The following HDLBP variants were observed in gnomAD, a reference collection of about 807,000 sequenced individuals.
HDLBP encodes the protein high density lipoprotein binding protein.
HDLBP carries 30 observed loss-of-function variants against 137.3 expected under a neutral mutation model. That is an observed-to-expected ratio of 0.22 (90% CI 0.16 to 0.30). The LOEUF is 0.30. HDLBP is among the 10% of genes least tolerant of loss of function. The probability of loss-of-function intolerance (pLI) is 1.00; values close to 1 mark genes in which losing one functional copy is unlikely to be tolerated. For missense variants in HDLBP, 1,119 were observed against 1,667.3 expected, an observed-to-expected ratio of 0.67 and a Z score of 5.73; for synonymous variants, 606 against 596.0, an observed-to-expected ratio of 1.02 and a Z score of -0.24.
At chr2:241,298,643 C>T (rs1419615009) in intron 1 of HDLBP, among the ~76,000 whole-genome samples, 1 of 152,154 alleles carries the variant, frequency 6.6e-6, no homozygotes, top group Admixed American at 6.5e-5. Context: ...AAAGATTTCA[C>T]AGTGGAGAAG....
In HDLBP at chr2:241,240,613, C is replaced by T. The variant is rs939185129; in HGVS notation, c.2170-491G>A. Reference sequence around the variant, plus strand: ...CTGGGCCAGGCTCCCTTTCTTCCCACGAGTGCTACAGATCAGCCTCCACAA... The same window carrying T: ...CTGGGCCAGGCTCCCTTTCTTCCCATGAGTGCTACAGATCAGCCTCCACAA... On this transcript the variant is annotated intron_variant, in intron 17 of 27. Coordinates refer to ENST00000310931, the MANE Select transcript of HDLBP (RefSeq NM_005336.6). This position sits in a 1 kb window ranked among gnomAD's most constrained non-coding sequence, Gnocchi z 5.5. Among the ~76,000 whole-genome samples the T allele has an allele frequency of 1.3e-5, 2 of 152,162 alleles. No homozygotes were observed. The highest frequency in any genetic ancestry group is 2.4e-5 in the African/African-American group (1 of 41,446).
At position 241,235,273 on chromosome 2, in the gene HDLBP, T is replaced by C. The variant is rs1485685553; in HGVS notation, c.3010-18A>G. Reference sequence around the variant, plus strand: ...ATGTTCACCTACGTGAAGAGGGGGCTGACTTGACGTTCAGGACCCCAGAGA... The same window carrying C: ...ATGTTCACCTACGTGAAGAGGGGGCCGACTTGACGTTCAGGACCCCAGAGA... On this transcript the variant is annotated intron_variant, in intron 22 of 27. Transcript: ENST00000310931. 1 of 1,614,030 alleles carries C rather than the reference T, an allele frequency of 6.2e-7. No homozygotes were observed. Among genetic ancestry groups the C allele is most frequent in the South Asian group, 1.1e-5 (1 of 91,076 alleles).
rs762619478 is a variant in HDLBP, at chr2:241,239,863, G to A, written c.2391+38C>T. Reference sequence around the variant, plus strand: ...GATGGAAGATAAGCCACCCCATCACGGCCCCAGCAGAGTCGGCCGCCGAGG... The same window carrying A: ...GATGGAAGATAAGCCACCCCATCACAGCCCCAGCAGAGTCGGCCGCCGAGG... On this transcript the variant is annotated intron_variant, in intron 18 of 27. Transcript: ENST00000310931. The surrounding 1 kb of genome is among the most constrained non-coding windows in gnomAD (Gnocchi z 4.6). 9 of 1,611,428 alleles carry A rather than the reference G, an allele frequency of 5.6e-6. No homozygotes were observed. The highest frequency in any genetic ancestry group is 4.0e-5 in the African/African-American group (3 of 74,804).
Position 241,238,888 on chromosome 2 carries a change from C to T in HDLBP, c.2611-101G>A, listed in dbSNP as rs918222904. ...ACACCACCTTCCTCCCTGTCCTCTA[C>T]AGCCACTTGGCACAGATGCTCCCCT... On this transcript the variant is annotated intron_variant, in intron 19 of 27. Transcript: ENST00000310931. The surrounding 1 kb of genome is among the most constrained non-coding windows in gnomAD (Gnocchi z 4.9). The T allele has an allele frequency of 6.3e-6, 6 of 958,150 alleles. No homozygotes were observed. Among genetic ancestry groups the T allele is most frequent in the Non-Finnish European group, 5.9e-6 (4 of 673,772 alleles). 59.4% of individuals were successfully genotyped at this position (958,150 alleles called of 1,614,324 possible).
chr2:241,296,774 G>A (rs1473333767), intron 1 of HDLBP, among the ~76,000 whole-genome samples: 1 of 152,192 alleles, frequency 6.6e-6, no homozygotes. Context: ...AAATTAGAAG[G>A]CAATTTAGAA....
chr2:241,259,951 GTA>G (rs2073022691), intron 5 of HDLBP, among the ~76,000 whole-genome samples: 1 of 152,152 alleles, frequency 6.6e-6, no homozygotes, highest in Non-Finnish European at 1.5e-5. Flanking sequence ...AAGGAAATAT[GTA>G]AGATTAGCCT....
At chr2:241,246,468 G>A (rs942909728) in intron 16 of HDLBP, 13 of 354,328 alleles carry the variant, frequency 3.7e-5, no homozygotes, top group Middle Eastern at 7.7e-4. Flanking sequence ...AGAAAATACC[G>A]TAAATACCTT....
chr2:241,255,050 C>A lies in HDLBP; in HGVS notation c.1188+1G>T, dbSNP rs759790258. ...ACAACAGGTGAAAAACGTGTCCTTA[C>A]CTTTGGCATCTGCTGAGTGATTTTG... is the stretch of plus-strand genomic sequence containing the variant. On this transcript the variant is annotated splice_donor_variant, in intron 9 of 27. Coordinates refer to ENST00000310931, the MANE Select transcript of HDLBP (RefSeq NM_005336.6). LOFTEE classifies it high-confidence loss of function. 1 of 1,602,958 alleles carries A rather than the reference C, an allele frequency of 6.2e-7. No individual in the cohort carries two copies. Among genetic ancestry groups the A allele is most frequent in the South Asian group, 1.1e-5 (1 of 90,814 alleles).
intron 15 of HDLBP, 50 bp downstream of exon 15, chr2:241,247,006 C>A (rs781617689): frequency 1.3e-6 from 2 of 1,562,076 alleles, no homozygotes; most frequent in African/African-American, 1.4e-5. Context: ...TGGTGCAGGG[C>A]TACAGAGGAC....
intron 1 of HDLBP, among the ~76,000 whole-genome samples, chr2:241,280,539 C>T (rs2074556495): frequency 6.6e-6 from 1 of 152,176 alleles, no homozygotes; most frequent in Non-Finnish European, 1.5e-5. Flanking sequence ...TTAGTATATT[C>T]TCCAGTGACA....
At chr2:241,260,568 C>T (rs2073074685) in intron 5 of HDLBP, among the ~76,000 whole-genome samples, 1 of 152,192 alleles carries the variant, frequency 6.6e-6, no homozygotes, top group Non-Finnish European at 1.5e-5. Context: ...AATGTATGAG[C>T]AGGGAGAGAA....
rs113591654 is a variant in HDLBP, at chr2:241,248,225, T to C, written c.1617+19A>G. The C allele has an allele frequency of 5.4e-4, 867 of 1,595,614 alleles. 3 individuals carry two copies. The African/African-American group carries it at 0.01, about 18-fold the overall frequency. ...GGATCACTCCTATAGAGTTACAGAA[T>C]GTCTCTGGGAAACTTTACCTCTGGG... On this transcript the variant is annotated intron_variant, in intron 13 of 27. Coordinates refer to ENST00000310931, the MANE Select transcript of HDLBP (RefSeq NM_005336.6).
In HDLBP at chr2:241,242,449, C is replaced by T; in HGVS notation, c.2169+11G>A. 1 of 1,610,710 alleles carries T rather than the reference C, an allele frequency of 6.2e-7. No homozygotes were observed. Among genetic ancestry groups the T allele is most frequent in the Non-Finnish European group, 8.5e-7 (1 of 1,177,332 alleles). Reference sequence around the variant, plus strand: ...TTCCTGCCAAGAGTCACGCTCCCTCCCCATGCTCACCTTCTCCTCCGCCAG... The same window carrying T: ...TTCCTGCCAAGAGTCACGCTCCCTCTCCATGCTCACCTTCTCCTCCGCCAG... On this transcript the variant is annotated intron_variant, in intron 17 of 27. Coordinates refer to ENST00000310931, the MANE Select transcript of HDLBP (RefSeq NM_005336.6).
intron 4 of HDLBP, among the ~76,000 whole-genome samples, 181 bp from the exon 5 acceptor site, chr2:241,263,107 A>G (rs569487102): frequency 6.6e-6 from 1 of 152,252 alleles, no homozygotes; most frequent in Non-Finnish European, 1.5e-5. Context: ...CAAGGTCAAG[A>G]GGCTGACATC....
intron 17 of HDLBP, among the ~76,000 whole-genome samples, chr2:241,241,240 A>C (rs952068181): frequency 7.2e-5 from 11 of 152,310 alleles, no homozygotes; most frequent in Middle Eastern, 3.4e-3. Flanking sequence ...AACTGTCCAC[A>C]GACCACGTGA....
intron 1 of HDLBP, among the ~76,000 whole-genome samples, chr2:241,298,323 G>A (rs1460457420): frequency 2.6e-5 from 4 of 151,886 alleles, no homozygotes; most frequent in East Asian, 1.9e-4. Context: ...CCGAGATGGC[G>A]CCATTGCACT....
intron 4 of HDLBP, 120 bp from the exon 5 acceptor site, chr2:241,263,046 G>A: frequency 2.7e-6 from 2 of 743,472 alleles, no homozygotes; most frequent in South Asian, 1.8e-5. Context: ...CTGCCCACAG[G>A]CACTGCTCGA....
At chr2:241,248,786 C>T (rs901206365) in intron 12 of HDLBP, among the ~76,000 whole-genome samples, 1 of 151,996 alleles carries the variant, frequency 6.6e-6, no homozygotes, top group South Asian at 2.1e-4. Context: ...TGGCTCGGAC[C>T]ACTTTCCCCG....
At chr2:241,289,863 C>G (rs2074950969) in intron 1 of HDLBP, among the ~76,000 whole-genome samples, 1 of 151,698 alleles carries the variant, frequency 6.6e-6, no homozygotes, top group African/African-American at 2.4e-5. Context: ...GTGGGAAACT[C>G]AAGTATTAGA....
Sources: gnomAD v4.1 joint callset for allele counts (sites outside exome capture counted in the v4.1 genomes callset) on GRCh38, gnomAD v4.1.1 for gene constraint, Gnocchi (gnomAD v3.1) non-coding constraint, MANE v1.5 for transcripts, NCBI Gene and HGNC (gene_info 2026-07-23, HGNC 2026-07-21) for gene names.